The following HECTD4 variants were observed in gnomAD, a reference collection of about 807,000 sequenced individuals.
HECTD4 encodes HECT domain E3 ubiquitin protein ligase 4.
A neutral mutation model predicts 471.5 loss-of-function variants in HECTD4; 114 were observed. That is an observed-to-expected ratio of 0.24 (90% CI 0.21 to 0.28). HECTD4 has a LOEUF of 0.28. Among genes scored for constraint, HECTD4 ranks in the 10% least tolerant of loss-of-function variants. HECTD4 has a pLI of 1.00. For synonymous variants in HECTD4, 2,012 were observed against 2,256.0 expected (o/e 0.89, Z 3.07); for missense variants, 3,866 against 5,651.5 (o/e 0.68, Z 10.13).
chr12:112,295,824 TACACAC>T (rs368319930), intron 7 of HECTD4, among the ~76,000 whole-genome samples: 1 of 149,068 alleles, frequency 6.7e-6, no homozygotes, highest in Non-Finnish European at 1.5e-5. Flanking sequence ...TATATATATA[TACACAC>T]ACACACACAC....
chr12:112,303,234 C>G lies in HECTD4; in HGVS notation c.1335+2830G>C, dbSNP rs868065106. On this transcript the variant is annotated intron_variant, in intron 7 of 75. Transcript: ENST00000682272. ...GTGAACAGGAAGGGGGCCTGCAGGC[C>G]CTTATGTAAACTCACGGTCTACCAC... Among the ~76,000 whole-genome samples, 7 of 152,154 alleles carry G rather than the reference C, an allele frequency of 4.6e-5. No homozygotes were observed. The South Asian group carries it at 1.0e-3, about 23-fold the overall frequency.
At chr12:112,371,211 T>C (rs1294310523) in intron 1 of HECTD4, among the ~76,000 whole-genome samples, 1 of 152,054 alleles carries the variant, frequency 6.6e-6, no homozygotes, top group African/African-American at 2.4e-5. Context: ...AGGTATACAA[T>C]TGGAGAAAAA....
intron 1 of HECTD4, among the ~76,000 whole-genome samples, chr12:112,347,548 C>T (rs1304323971): frequency 1.3e-5 from 2 of 152,038 alleles, no homozygotes; most frequent in Non-Finnish European, 2.9e-5. Context: ...CAGAGACTCC[C>T]GGATTGGGAA....
Position 112,382,154 on chromosome 12 carries a change from A to G in HECTD4, c.-26T>C. The G allele has an allele frequency of 8.2e-7, 1 of 1,215,214 alleles. No homozygotes were observed. The highest frequency in any genetic ancestry group is 1.0e-6 in the Non-Finnish European group (1 of 979,276). The allele number at this position is 1,215,214 out of a possible 1,614,324, so 75.3% of individuals were successfully genotyped here. A position where few individuals can be genotyped will look rare whatever the true frequency, so the allele number is the denominator to read the frequency against. On this transcript the variant is annotated 5_prime_UTR_variant, in exon 1 of 76. Transcript: ENST00000682272. Reference sequence around the variant, plus strand: ...GGCCCCGGCTGAAGGCTTGGCGCTGAGGAGCAGACGCCCGGCCGGGGGAAA... The same window carrying G: ...GGCCCCGGCTGAAGGCTTGGCGCTGGGGAGCAGACGCCCGGCCGGGGGAAA...
At chr12:112,250,403 C>T in intron 24 of HECTD4, 26 bp from the exon 25 acceptor site, 4 of 1,494,916 alleles carry the variant, frequency 2.7e-6, no homozygotes, top group South Asian at 1.1e-5. Flanking sequence ...AGAGGCTCTT[C>T]ACTTCCTCTC....
At chr12:112,198,265 C>G (rs1382404638) in intron 55 of HECTD4, among the ~76,000 whole-genome samples, 1 of 152,174 alleles carries the variant, frequency 6.6e-6, no homozygotes, top group Non-Finnish European at 1.5e-5. Context: ...GAGGGCAGAG[C>G]TTTTTGAAGA....
rs546649522 is a variant in HECTD4, at chr12:112,162,318, G to A, written c.*69C>T. ...ACGCAGGGCCCTGGAGGGACGGGCC[G>A]CAGTGGTGGCTTCCCAAGCCAGCAG... On this transcript the variant is annotated 3_prime_UTR_variant, in exon 76 of 76. Transcript: ENST00000682272. This position sits in a 1 kb window ranked among gnomAD's most constrained non-coding sequence, Gnocchi z 5.2. The A allele has an allele frequency of 2.0e-5, 32 of 1,594,624 alleles. No homozygotes were observed. The East Asian group carries it at 4.9e-4, about 25-fold the overall frequency.
At chr12:112,334,265 T>C (rs1239344157) in intron 1 of HECTD4, among the ~76,000 whole-genome samples, 3 of 150,716 alleles carry the variant, frequency 2.0e-5, no homozygotes, top group Non-Finnish European at 3.0e-5. Context: ...GGAGAAAATC[T>C]TCACAATCTA....
intron 7 of HECTD4, among the ~76,000 whole-genome samples, chr12:112,300,863 C>A (rs954515937): frequency 1.3e-5 from 2 of 151,928 alleles, no homozygotes; most frequent in African/African-American, 4.8e-5. Context: ...AACTACTGCA[C>A]CCAGCCTGTA....
At position 112,167,341 on chromosome 12, in the gene HECTD4, G is replaced by A; in HGVS notation, c.12510C>T (p.Tyr4170=). ...QDLQEADILT[Y]NYVKKFESIN... ...CGCTCTCAAACTTCTTGACGTAATTGTAGGTGAGGATATCCGCTTCCTGCA... is the reference window on the plus strand; with the variant it reads ...CGCTCTCAAACTTCTTGACGTAATTATAGGTGAGGATATCCGCTTCCTGCA... Residue 4170 remains tyrosine (Y), a synonymous_variant, in exon 72 of 76, where the codon TAC becomes TAT. Transcript: ENST00000682272. 1 of 1,613,070 alleles carries A rather than the reference G, an allele frequency of 6.2e-7. No homozygotes were observed. Among genetic ancestry groups the A allele is most frequent in the Non-Finnish European group, 8.5e-7 (1 of 1,179,416 alleles).
rs1566108127 is a variant in HECTD4 at position 112,313,153 on chromosome 12, TG to T, written c.786-7del. On this transcript the variant is annotated splice_polypyrimidine_tract_variant and splice_region_variant and intron_variant, in intron 3 of 75. Coordinates refer to ENST00000682272, the MANE Select transcript of HECTD4 (RefSeq NM_001388303.1). The stretch of plus-strand genomic sequence containing the variant: ...CCCCTTCCAAAAGCAACAGCCTATA[TG>T]GGGGAGAAAGAAAATCACAAAGACA... 1.3e-6 allele frequency: 2 copies of T among 1,531,738 alleles called. No individual in the cohort carries two copies. Among genetic ancestry groups the T allele is most frequent in the Admixed American group, 4.0e-5 (2 of 50,416 alleles). The allele number at this position is 1,531,738 out of a possible 1,614,324, so 94.9% of individuals were successfully genotyped here.
intron 55 of HECTD4, among the ~76,000 whole-genome samples, chr12:112,197,389 C>T (rs1382453341): frequency 6.6e-6 from 1 of 152,210 alleles, no homozygotes; most frequent in Non-Finnish European, 1.5e-5. Flanking sequence ...GTAATCATGG[C>T]TCACTGCAGC....
At chr12:112,332,634 G>C (rs1389743517) in intron 1 of HECTD4, among the ~76,000 whole-genome samples, 1 of 150,368 alleles carries the variant, frequency 6.7e-6, no homozygotes, top group African/African-American at 2.4e-5. Context: ...ATTTAAGCAA[G>C]CTCCTTGGGT....
chr12:112,354,353 C>G (rs889666040), intron 1 of HECTD4, among the ~76,000 whole-genome samples: 17 of 150,636 alleles, frequency 1.1e-4, no homozygotes, highest in Admixed American at 1.3e-4. Context: ...ACCTATCACC[C>G]AATAGTGTCT....
chr12:112,258,805 G>T, intron 19 of HECTD4: 1 of 558,364 alleles, frequency 1.8e-6, no homozygotes. Context: ...GCTACTATTA[G>T]CTGGCAAGGA....
At chr12:112,377,186 C>T (rs2036796789) in intron 1 of HECTD4, among the ~76,000 whole-genome samples, 1 of 151,770 alleles carries the variant, frequency 6.6e-6, no homozygotes, top group South Asian at 2.1e-4. Context: ...ATGCTGAGCA[C>T]TCTGGGAGTC....
chr12:112,176,634 T>G lies in HECTD4; in HGVS notation c.11432A>C (p.Glu3811Ala). 6.2e-7 allele frequency: 1 copy of G among 1,614,034 alleles called. No homozygotes were observed. Among genetic ancestry groups the G allele is most frequent in the Non-Finnish European group, 8.5e-7 (1 of 1,179,888 alleles). ...PKSPEKSKPDEKDPEKSPTKK... is the reference protein window; with the variant it reads ...PKSPEKSKPDAKDPEKSPTKK... The stretch of plus-strand genomic sequence containing the variant: ...GGTAGGTGACTTTTCTGGGTCCTTT[T>G]CATCTGGTTTGCTCTTTTCTGGTGA... The change falls in exon 65 of 76, where the codon GAA becomes GCA. Residue 3811 changes from glutamate to alanine, a missense_variant. Transcript: ENST00000682272.
At position 112,243,145 on chromosome 12, in the gene HECTD4, G is replaced by A. The variant is rs750392339; in HGVS notation, c.4958+208C>T. On this transcript the variant is annotated intron_variant, in intron 32 of 75. Coordinates refer to ENST00000682272, the MANE Select transcript of HECTD4 (RefSeq NM_001388303.1). This position sits in a 1 kb window ranked among gnomAD's most constrained non-coding sequence, Gnocchi z 6.6. Reference sequence around the variant, plus strand: ...GTAATGAGCTCTTAATGGACAGAGTGGAATTCAGGAGAAGAAGGTGAATAC... The same window carrying A: ...GTAATGAGCTCTTAATGGACAGAGTAGAATTCAGGAGAAGAAGGTGAATAC... Among the ~76,000 whole-genome samples, 2 of 152,116 alleles carry A rather than the reference G, an allele frequency of 1.3e-5. No individual in the cohort carries two copies. Among genetic ancestry groups the A allele is most frequent in the Non-Finnish European group, 2.9e-5 (2 of 68,014 alleles).
chr12:112,198,165 A>G (rs892497021), intron 55 of HECTD4, among the ~76,000 whole-genome samples: 1 of 152,226 alleles, frequency 6.6e-6, no homozygotes, highest in African/African-American at 2.4e-5. Flanking sequence ...AACAAGCAAA[A>G]TAACAGCAGT....
Sources: allele counts gnomAD v4.1 joint callset (sites outside exome capture counted in the v4.1 genomes callset), GRCh38; gene constraint gnomAD v4.1.1; non-coding constraint Gnocchi (gnomAD v3.1); transcripts MANE v1.5; gene names NCBI Gene and HGNC (gene_info 2026-07-23, HGNC 2026-07-21).